The following CACNA2D3 variants were observed in gnomAD, a reference collection of about 807,000 sequenced individuals.
CACNA2D3 encodes the protein voltage-dependent calcium channel subunit alpha-2/delta-3.
In CACNA2D3, 60 loss-of-function variants were observed where a neutral mutation model predicts 160.6. The ratio of observed to expected loss-of-function variants is 0.37; its 90% CI spans 0.30 to 0.46. The LOEUF is 0.46. Among genes scored for constraint, CACNA2D3 ranks in the 20% least tolerant of loss-of-function variants. CACNA2D3 has a pLI of 1.00. For missense variants in CACNA2D3, 1,205 were observed against 1,365.0 expected (o/e 0.88, Z 1.85); for synonymous variants, 558 against 492.9 (o/e 1.13, Z -1.75).
intron 11 of CACNA2D3, among the ~76,000 whole-genome samples, chr3:54,745,028 A>G (rs1004169131): frequency 6.6e-6 from 1 of 152,234 alleles, no homozygotes; most frequent in South Asian, 2.1e-4. Flanking sequence ...TTAGTCAGGT[A>G]TAATAAGGCA....
chr3:54,645,269 TG>T (rs1699612658), intron 11 of CACNA2D3, among the ~76,000 whole-genome samples: 1 of 152,140 alleles, frequency 6.6e-6, no homozygotes, highest in South Asian at 2.1e-4. Flanking sequence ...GAGAACTGCA[TG>T]GGGGAGACCA....
At chr3:54,442,360 C>G (rs974540559) in intron 4 of CACNA2D3, among the ~76,000 whole-genome samples, 2 of 152,124 alleles carry the variant, frequency 1.3e-5, no homozygotes, top group Non-Finnish European at 2.9e-5. Context: ...TACTCCTTCT[C>G]CCTTCCTTTG....
chr3:54,249,664 C>G (rs1337736338), intron 2 of CACNA2D3, among the ~76,000 whole-genome samples: 1 of 115,678 alleles, frequency 8.6e-6, no homozygotes, highest in African/African-American at 3.9e-5. Context: ...TGTTTACGTA[C>G]ACACACACAC....
intron 2 of CACNA2D3, among the ~76,000 whole-genome samples, chr3:54,240,154 A>C (rs1254038547): frequency 6.6e-6 from 1 of 152,200 alleles, no homozygotes. Flanking sequence ...GGGAGTTTGG[A>C]ATAGTCAACC....
At chr3:54,472,791 T>C (rs559122770) in intron 4 of CACNA2D3, among the ~76,000 whole-genome samples, 1 of 152,210 alleles carries the variant, frequency 6.6e-6, no homozygotes, top group South Asian at 2.1e-4. Flanking sequence ...TCACAATTGC[T>C]ACAAAGAGAA....
intron 27 of CACNA2D3, among the ~76,000 whole-genome samples, chr3:54,905,519 G>A (rs1187446136): frequency 6.6e-6 from 1 of 152,192 alleles, no homozygotes; most frequent in Admixed American, 6.5e-5. Flanking sequence ...TATCAAGTCT[G>A]CCTGGATAAA....
At chr3:54,389,252 G>T (rs1019790157) in intron 4 of CACNA2D3, among the ~76,000 whole-genome samples, 4 of 151,454 alleles carry the variant, frequency 2.6e-5, no homozygotes, top group African/African-American at 9.7e-5. Context: ...CCGAGATCAC[G>T]CCAGTGCACT....
chr3:54,744,072 C>G (rs1373576209), intron 11 of CACNA2D3, among the ~76,000 whole-genome samples: 1 of 152,148 alleles, frequency 6.6e-6, no homozygotes, highest in African/African-American at 2.4e-5. Flanking sequence ...CACAGTGATG[C>G]CTATTCTGTC....
chr3:54,917,095 A>G (rs1480743576), intron 27 of CACNA2D3, among the ~76,000 whole-genome samples: 1 of 152,250 alleles, frequency 6.6e-6, no homozygotes, highest in Admixed American at 6.5e-5. Flanking sequence ...GACTGTGAGC[A>G]TCATGAGAGA....
Position 54,331,496 on chromosome 3 carries a change from T to A in CACNA2D3, c.321+10938T>A, listed in dbSNP as rs117302872. Among the ~76,000 whole-genome samples the A allele has an allele frequency of 3.1e-4, 47 of 152,334 alleles. 1 individual carries two copies. The East Asian group carries it at 9.1e-3, about 29-fold the overall frequency. ...AGAAAGCCAGCTGGAGTCATTGCCA[T>A]TGTTTTCATCATTGATATCATCTCT... On this transcript the variant is annotated intron_variant, in intron 3 of 37. Coordinates refer to ENST00000474759, the MANE Select transcript of CACNA2D3 (RefSeq NM_018398.3).
intron 2 of CACNA2D3, among the ~76,000 whole-genome samples, chr3:54,126,355 G>A (rs999840015): frequency 2.6e-5 from 4 of 152,150 alleles, no homozygotes; most frequent in East Asian, 1.9e-4. Flanking sequence ...TATAATTTGA[G>A]GTAGCAGTAT....
At chr3:54,343,741 C>A (rs563115300) in intron 3 of CACNA2D3, among the ~76,000 whole-genome samples, 1 of 152,306 alleles carries the variant, frequency 6.6e-6, no homozygotes, top group South Asian at 2.1e-4. Flanking sequence ...CTACCCCCCA[C>A]AGCCCAAGAA....
At chr3:54,886,201 T>C (rs1251713596) in intron 23 of CACNA2D3, among the ~76,000 whole-genome samples, 1 of 119,398 alleles carries the variant, frequency 8.4e-6, no homozygotes, top group Non-Finnish European at 1.7e-5. Flanking sequence ...AAACTGATCA[T>C]GATATCTGCC....
At chr3:54,573,536 C>G (rs1281479014) in intron 8 of CACNA2D3, among the ~76,000 whole-genome samples, 1 of 152,190 alleles carries the variant, frequency 6.6e-6, no homozygotes, top group Non-Finnish European at 1.5e-5. Flanking sequence ...ATTTGAATAA[C>G]AGAGCATTCC....
At chr3:54,323,104 G>T (rs1257929776) in intron 3 of CACNA2D3, among the ~76,000 whole-genome samples, 1 of 152,158 alleles carries the variant, frequency 6.6e-6, no homozygotes, top group Non-Finnish European at 1.5e-5. Flanking sequence ...TGGTAGAGAT[G>T]GGCCTTGTCC....
chr3:54,575,350 C>G (rs770678638), intron 8 of CACNA2D3, among the ~76,000 whole-genome samples: 1 of 152,078 alleles, frequency 6.6e-6, no homozygotes, highest in Non-Finnish European at 1.5e-5. Flanking sequence ...ACTTCCTTTA[C>G]TTTTTGTTTA....
At chr3:54,609,771 G>A (rs1474740896) in intron 9 of CACNA2D3, among the ~76,000 whole-genome samples, 1 of 152,144 alleles carries the variant, frequency 6.6e-6, no homozygotes, top group Admixed American at 6.5e-5. Flanking sequence ...TTTATTTTAT[G>A]GCATTTCCAA....
At chr3:54,153,981 T>G (rs2107286689) in intron 2 of CACNA2D3, among the ~76,000 whole-genome samples, 1 of 152,336 alleles carries the variant, frequency 6.6e-6, no homozygotes, top group Non-Finnish European at 1.5e-5. Context: ...CTAAATAAGA[T>G]GGTAGACTAT....
intron 4 of CACNA2D3, among the ~76,000 whole-genome samples, chr3:54,456,215 T>C (rs1474551763): frequency 1.3e-5 from 2 of 152,050 alleles, no homozygotes; most frequent in African/African-American, 2.4e-5. Context: ...TGTGTGTGTG[T>C]GTCTTCCTGA....
Sources: allele counts gnomAD v4.1 joint callset (sites outside exome capture counted in the v4.1 genomes callset), GRCh38; gene constraint gnomAD v4.1.1; transcripts MANE v1.5; gene names NCBI Gene and HGNC (gene_info 2026-07-23, HGNC 2026-07-21).